The following ERCC6 variants were observed in gnomAD, a reference collection of about 807,000 sequenced individuals.
ERCC6 encodes DNA excision repair protein ERCC-6.
A neutral mutation model predicts 158.7 loss-of-function variants in ERCC6; 116 were observed. The ratio of observed to expected loss-of-function variants is 0.73; its 90% CI spans 0.63 to 0.85. ERCC6 has a LOEUF of 0.85. Ranked by LOEUF, ERCC6 falls within the 40% of genes least tolerant of loss-of-function variation. The pLI, the probability that ERCC6 is intolerant of heterozygous loss-of-function variation, is 0.00. For synonymous variants in ERCC6, 678 were observed against 659.3 expected (o/e 1.03, Z -0.43); for missense variants, 1,698 against 1,799.4 (o/e 0.94, Z 1.02).
At chr10:49,506,127 T>C (rs1266843957) in intron 5 of ERCC6, 115 bp from the exon 6 acceptor site, 17 of 1,180,540 alleles carry the variant, frequency 1.4e-5, no homozygotes, top group Non-Finnish European at 2.0e-5. Flanking sequence ...TCTCTTAGGT[T>C]AATGCTGCCA....
At chr10:49,516,874 C>A (rs368828623) in intron 5 of ERCC6, 32 of 1,613,976 alleles carry the variant, frequency 2.0e-5, no homozygotes, top group Non-Finnish European at 2.5e-5. Flanking sequence ...TCTTTAGGTG[C>A]GTATGAGGGA....
At chr10:49,441,981 GCCT>G in the ERCC6 span, among the ~76,000 whole-genome samples, 1 of 152,120 alleles carries the variant, frequency 6.6e-6, no homozygotes, top group Non-Finnish European at 1.5e-5. Context: ...GAAACGAACG[GCCT>G]CCTCCTCCAG....
intron 10 of ERCC6, among the ~76,000 whole-genome samples, chr10:49,481,589 C>A (rs1359155675): frequency 6.6e-6 from 1 of 152,164 alleles, no homozygotes; most frequent in Non-Finnish European, 1.5e-5. Flanking sequence ...AGAAGGGATG[C>A]ACAGAAACCG....
intron 8 of ERCC6, 88 bp downstream of exon 8, chr10:49,493,029 T>C: frequency 7.3e-7 from 1 of 1,372,642 alleles, no homozygotes; most frequent in South Asian, 1.2e-5. Context: ...GAATATACAT[T>C]TGAGAAACAC....
In ERCC6 at chr10:49,493,107, A is replaced by AT. The variant is rs1304042025; in HGVS notation, c.1821+9dup. 6.2e-7 allele frequency: 1 copy of AT among 1,613,980 alleles called. No homozygotes were observed. Among genetic ancestry groups the AT allele is most frequent in the Admixed American group, 1.7e-5 (1 of 60,026 alleles). On this transcript the variant is annotated intron_variant, in intron 8 of 20. Transcript: ENST00000355832. ...AAACAAAACAAAAAGGTACTGAAAT[A>AT]TTGTGTTACCTTTTTGTGGGTATAG...
intron 5 of ERCC6, among the ~76,000 whole-genome samples, chr10:49,509,032 C>T (rs1851492548): frequency 1.3e-5 from 2 of 152,108 alleles, no homozygotes; most frequent in South Asian, 4.1e-4. Context: ...TGCAGAAGTG[C>T]AGGCCCAGGC....
intron 5 of ERCC6, among the ~76,000 whole-genome samples, chr10:49,520,682 C>G (rs1377143423): frequency 6.6e-6 from 1 of 152,162 alleles, no homozygotes; most frequent in Non-Finnish European, 1.5e-5. Context: ...GCACACTCTT[C>G]CCAATCCACC....
chr10:49,481,845 C>G (rs556658276), intron 10 of ERCC6, among the ~76,000 whole-genome samples: 5 of 152,304 alleles, frequency 3.3e-5, no homozygotes, highest in African/African-American at 9.6e-5. Context: ...CCATCTTTCT[C>G]AGACCACCAC....
At chr10:49,508,501 G>A (rs537613914) in intron 5 of ERCC6, among the ~76,000 whole-genome samples, 4 of 152,148 alleles carry the variant, frequency 2.6e-5, no homozygotes, top group South Asian at 4.2e-4. Context: ...AGTGCCTTCC[G>A]CTTCATAAAG....
downstream of ERCC6, among the ~76,000 whole-genome samples, chr10:49,453,831 T>G (rs867811995): frequency 2.0e-5 from 3 of 152,204 alleles, no homozygotes; most frequent in East Asian, 1.9e-4. Context: ...TTATTTCTTT[T>G]GAGAAGTCAA....
chr10:49,533,258 GTGA>G (rs749971810), intron 1 of ERCC6, among the ~76,000 whole-genome samples: 1 of 152,204 alleles, frequency 6.6e-6, no homozygotes, highest in Non-Finnish European at 1.5e-5. Context: ...AAATCCTGGG[GTGA>G]TGGCCATGGA....
chr10:49,479,977 A>C (rs1476954076), intron 10 of ERCC6, among the ~76,000 whole-genome samples: 1 of 152,218 alleles, frequency 6.6e-6, no homozygotes, highest in Non-Finnish European at 1.5e-5. Context: ...CATTCTGACA[A>C]GGCAGAGCTC....
chr10:49,532,925 C>A lies in ERCC6; in HGVS notation c.40G>T (p.Glu14Ter). 2.5e-6 allele frequency: 4 copies of A among 1,614,176 alleles called. No individual in the cohort carries two copies. The highest frequency in any genetic ancestry group is 3.4e-6 in the Non-Finnish European group (4 of 1,180,034). ...EGIPHSSQTQEQDCLQSQPVS... is the reference protein window; with the variant it reads ...EGIPHSSQTQ ...GGTTGACTCTGTAAACAGTCTTGCT[C>A]CTGAGTTTGACTTGAGTGGGGGATT... The change falls in exon 2 of 21, where the codon GAG becomes TAG. Residue 14 changes from glutamate to a stop codon, truncating the protein, a stop_gained. Transcript: ENST00000355832. LOFTEE classifies it high-confidence loss of function.
chr10:49,524,472 C>T lies in ERCC6; in HGVS notation c.958G>A (p.Val320Ile). 1 of 1,614,218 alleles carries T rather than the reference C, an allele frequency of 6.2e-7. No individual in the cohort carries two copies. Among genetic ancestry groups the T allele is most frequent in the Non-Finnish European group, 8.5e-7 (1 of 1,180,038 alleles). Residue 320 changes from valine to isoleucine, a missense_variant, in exon 5 of 21, where the codon GTT (valine) becomes ATT (isoleucine). By Grantham distance (29) the Val-to-Ile change is conservative (BLOSUM62 3). Coordinates refer to ENST00000355832, the MANE Select transcript of ERCC6 (RefSeq NM_000124.4). Reference sequence around the variant, plus strand: ...AAACGCTCCTCTTTTTTGGACAGAACTCTGGCTTTCTTGTTTGGTTTGTTT... The same window carrying T: ...AAACGCTCCTCTTTTTTGGACAGAATTCTGGCTTTCTTGTTTGGTTTGTTT... The part of the protein sequence containing the change: ...NKNKPNKKAR[V>I]LSKKEERLKK...
chr10:49,529,639 G>C (rs1211422349), intron 3 of ERCC6, among the ~76,000 whole-genome samples: 1 of 152,118 alleles, frequency 6.6e-6, no homozygotes, highest in Admixed American at 6.5e-5. Flanking sequence ...CTGGTGAGTG[G>C]AAAGTATAAT....
At chr10:49,526,845 A>G (rs1441689240) in intron 4 of ERCC6, among the ~76,000 whole-genome samples, 3 of 152,200 alleles carry the variant, frequency 2.0e-5, no homozygotes, top group Admixed American at 1.3e-4. Flanking sequence ...CAGGAACTCA[A>G]AAAAAGAGCA....
chr10:49,530,988 C>T, intron 2 of ERCC6, 148 bp from the exon 3 acceptor site: 1 of 1,161,120 alleles, frequency 8.6e-7, no homozygotes, highest in Non-Finnish European at 1.2e-6. Context: ...CCCTTATTGG[C>T]CACAAATAAA....
chr10:49,498,768 A>C (rs142582273), intron 7 of ERCC6, among the ~76,000 whole-genome samples: 9 of 152,190 alleles, frequency 5.9e-5, no homozygotes, highest in African/African-American at 1.9e-4. Flanking sequence ...TTTTAGATCA[A>C]AACTACACTG....
rs751986947 is a variant in ERCC6, at chr10:49,470,165, C to A, written c.3778+17G>T. The A allele has an allele frequency of 6.2e-7, 1 of 1,610,766 alleles. No homozygotes were observed. The highest frequency in any genetic ancestry group is 8.5e-7 in the Non-Finnish European group (1 of 1,176,916). ...CTAATCCTAGCATCCCTGTGGCAAA[C>A]GTATCAAATGGATTACCTGATTTTT... is the stretch of plus-strand genomic sequence containing the variant. On this transcript the variant is annotated intron_variant, in intron 18 of 20. Transcript: ENST00000355832.
Sources: gnomAD v4.1 joint callset for allele counts (sites outside exome capture counted in the v4.1 genomes callset) on GRCh38, gnomAD v4.1.1 for gene constraint, MANE v1.5 for transcripts, NCBI Gene and HGNC (gene_info 2026-07-23, HGNC 2026-07-21) for gene names.